The following HSF2BP variants were observed in gnomAD, a reference collection of about 807,000 sequenced individuals.
HSF2BP encodes the protein heat shock factor 2-binding protein.
Under a neutral mutation model 35.0 loss-of-function variants are expected in HSF2BP, and 35 were observed. The ratio of observed to expected loss-of-function variants is 1.00; its 90% CI spans 0.76 to 1.32. The LOEUF (loss-of-function observed/expected upper bound fraction) is 1.32. Ranked by LOEUF, HSF2BP falls within the 40% of genes most tolerant of loss-of-function variation. HSF2BP has a pLI of 0.00. For synonymous variants in HSF2BP, 114 were observed against 117.4 expected, an observed-to-expected ratio of 0.97 and a Z score of 0.18; for missense variants, 326 against 321.7, an observed-to-expected ratio of 1.01 and a Z score of -0.10.
At chr21:43,505,819 C>CCAAATCACTGAGAAATGCCTGCCAGT in the HSF2BP span, among the ~76,000 whole-genome samples, 2 of 125,988 alleles carry the variant, frequency 1.6e-5, no homozygotes, top group Non-Finnish European at 3.5e-5. Context: ...TGTTTGCCAG[C>CCAAATCACTGAGAAATGCCTGCCAGT]CAAATCACTG....
At chr21:43,579,438 T>G (rs1350752992) in intron 8 of HSF2BP, among the ~76,000 whole-genome samples, 1 of 152,230 alleles carries the variant, frequency 6.6e-6, no homozygotes. Context: ...AAAGATGAAC[T>G]GCAGGGGACG....
chr21:43,623,135 A>G (rs2082350407), intron 6 of HSF2BP, among the ~76,000 whole-genome samples: 1 of 152,152 alleles, frequency 6.6e-6, no homozygotes, highest in Non-Finnish European at 1.5e-5. Context: ...ATACAATAAA[A>G]CTAGAAATTA....
At chr21:43,601,164 A>T (rs1319493100) in intron 7 of HSF2BP, among the ~76,000 whole-genome samples, 1 of 152,180 alleles carries the variant, frequency 6.6e-6, no homozygotes, top group African/African-American at 2.4e-5. Flanking sequence ...ACACATGCAG[A>T]CGGGGACTCT....
intron 4 of HSF2BP, among the ~76,000 whole-genome samples, chr21:43,636,204 GAAAGAAAAGAAAAGAAAAGA>G (rs200084779): frequency 0.21 from 22,565 of 106,752 alleles, 2,647 homozygotes; most frequent in East Asian, 0.36. Context: ...AGAAAAAAAA[GAAAGAAAAGAAAAGAAAAGA>G]AAAGAAAAGA....
In HSF2BP at chr21:43,615,528, G is replaced by C. The variant is rs201936535; in HGVS notation, c.575-1581C>G. 1.4e-4 allele frequency among the ~76,000 whole-genome samples: 22 copies of C among 152,260 alleles called. No homozygotes were observed. In the East Asian group the frequency reaches 4.2e-3, roughly 29 times the overall value. ...CTGGTCTCAGATGGACCACAAGAGGGATAGTAAAGTCTACTAAACCTAACA... is the reference window on the plus strand; with the variant it reads ...CTGGTCTCAGATGGACCACAAGAGGCATAGTAAAGTCTACTAAACCTAACA... On this transcript the variant is annotated intron_variant, in intron 6 of 8. Transcript: ENST00000291560.
intron 5 of HSF2BP, 138 bp from the exon 6 acceptor site, chr21:43,630,592 T>C: frequency 8.6e-7 from 1 of 1,156,524 alleles, no homozygotes; most frequent in Non-Finnish European, 1.2e-6. Context: ...AAGTTCCCAT[T>C]AAAAGAACAG....
At chr21:43,616,498 C>G (rs1398809392) in intron 6 of HSF2BP, among the ~76,000 whole-genome samples, 1 of 152,058 alleles carries the variant, frequency 6.6e-6, no homozygotes, top group Non-Finnish European at 1.5e-5. Flanking sequence ...ACGAAATTAG[C>G]CAGGCGTCGT....
intron 1 of HSF2BP, 99 bp from the exon 2 acceptor site, chr21:43,658,419 GA>G (rs2082911199): frequency 2.9e-6 from 1 of 348,960 alleles, no homozygotes; most frequent in African/African-American, 2.1e-5. Context: ...CACTAAGGGG[GA>G]CTGCGTTCAA....
At chr21:43,582,133 G>A (rs1601616288) in intron 8 of HSF2BP, among the ~76,000 whole-genome samples, 1 of 120,236 alleles carries the variant, frequency 8.3e-6, no homozygotes, top group Non-Finnish European at 1.7e-5. Flanking sequence ...TGCTGTGGGG[G>A]ATGAGGGCCT....
At chr21:43,648,880 C>T (rs2082744515) in intron 3 of HSF2BP, among the ~76,000 whole-genome samples, 1 of 152,194 alleles carries the variant, frequency 6.6e-6, no homozygotes, top group African/African-American at 2.4e-5. Context: ...CAACTACAGT[C>T]CCATAAACAT....
chr21:43,626,073 G>A (rs1416358400), intron 6 of HSF2BP, among the ~76,000 whole-genome samples: 1 of 152,174 alleles, frequency 6.6e-6, no homozygotes, highest in African/African-American at 2.4e-5. Flanking sequence ...GGAGGGCAAT[G>A]CAAGCCTGCT....
At chr21:43,653,328 C>G (rs976673980) in intron 3 of HSF2BP, among the ~76,000 whole-genome samples, 1 of 151,886 alleles carries the variant, frequency 6.6e-6, no homozygotes, top group Non-Finnish European at 1.5e-5. Context: ...GTAGGGTGCT[C>G]CCTCAAGACC....
chr21:43,633,501 G>T (rs2082511533), intron 4 of HSF2BP, 80 bp from the exon 5 acceptor site: 2 of 1,190,780 alleles, frequency 1.7e-6, no homozygotes, highest in South Asian at 1.8e-5. Flanking sequence ...CTTTCACAAA[G>T]ATATTTATTA....
At chr21:43,603,471 G>A (rs973886445) in intron 7 of HSF2BP, among the ~76,000 whole-genome samples, 2 of 152,214 alleles carry the variant, frequency 1.3e-5, no homozygotes, top group Non-Finnish European at 2.9e-5. Flanking sequence ...ACCCTGCCAG[G>A]GGCATGCCAC....
chr21:43,648,997 C>T (rs2082745802), intron 3 of HSF2BP, among the ~76,000 whole-genome samples: 1 of 152,094 alleles, frequency 6.6e-6, no homozygotes, highest in Admixed American at 6.6e-5. Flanking sequence ...CTCTCTTTAC[C>T]CAGACTTACC....
intron 4 of HSF2BP, among the ~76,000 whole-genome samples, chr21:43,637,046 T>C (rs1489154216): frequency 6.6e-6 from 1 of 152,006 alleles, no homozygotes; most frequent in Non-Finnish European, 1.5e-5. Context: ...CCCAGCACTT[T>C]GGAAGGCCAA....
chr21:43,612,146 C>T (rs186877616), intron 7 of HSF2BP, among the ~76,000 whole-genome samples: 207 of 152,328 alleles, frequency 1.4e-3, no homozygotes, highest in Middle Eastern at 6.8e-3. Context: ...AAGGGGTTGA[C>T]TGCCTGTGAA....
chr21:43,573,819 C>T (rs1027749443), intron 8 of HSF2BP, among the ~76,000 whole-genome samples: 1 of 152,194 alleles, frequency 6.6e-6, no homozygotes, highest in Non-Finnish European at 1.5e-5. Context: ...ACCTGGGCAT[C>T]TCGGGGCTCA....
At chr21:43,588,643 C>T (rs927332165) in intron 8 of HSF2BP, among the ~76,000 whole-genome samples, 2 of 152,164 alleles carry the variant, frequency 1.3e-5, no homozygotes, top group African/African-American at 4.8e-5. Flanking sequence ...ACAAACGTAA[C>T]ACACTTAAAG....
Sources: gnomAD v4.1 joint callset for allele counts (sites outside exome capture counted in the v4.1 genomes callset) on GRCh38, gnomAD v4.1.1 for gene constraint, MANE v1.5 for transcripts, NCBI Gene and HGNC (gene_info 2026-07-23, HGNC 2026-07-21) for gene names.